The following ERICH1 variants were observed in gnomAD, a reference collection of about 807,000 sequenced individuals.
ERICH1 encodes the protein glutamate rich 1.
A neutral mutation model predicts 39.6 loss-of-function variants in ERICH1; 56 were observed. That is an observed-to-expected ratio of 1.41 (90% CI 1.14 to 1.77). The LOEUF (loss-of-function observed/expected upper bound fraction) is 1.77, where lower values mean the gene tolerates loss of function less well. ERICH1 is among the 40% of genes most tolerant of loss of function. ERICH1 has a pLI of 0.00. For synonymous variants in ERICH1, 313 were observed against 223.6 expected (o/e 1.40, Z -3.57); for missense variants, 826 against 575.4 (o/e 1.44, Z -4.45).
chr8:660,668 C>A (rs1291082651), downstream of ERICH1, among the ~76,000 whole-genome samples: 1 of 152,176 alleles, frequency 6.6e-6, no homozygotes. Flanking sequence ...ATTTTTTTTA[C>A]AATAAAAATT....
chr8:623,567 A>C (rs913271902), intron 3 of ERICH1, among the ~76,000 whole-genome samples: 1 of 152,246 alleles, frequency 6.6e-6, no homozygotes, highest in African/African-American at 2.4e-5. Context: ...ATGTTTTCAT[A>C]TATGTGTAGA....
chr8:627,245 G>C, intron 3 of ERICH1: 1 of 456,204 alleles, frequency 2.2e-6, no homozygotes, highest in South Asian at 1.5e-5. Context: ...CCACCTGGAA[G>C]TTGGAGATAA....
At chr8:641,888 T>G (rs1263192619) in intron 3 of ERICH1, among the ~76,000 whole-genome samples, 1 of 152,228 alleles carries the variant, frequency 6.6e-6, no homozygotes, top group Non-Finnish European at 1.5e-5. Context: ...CAGTCCTTTC[T>G]TCTGACCCCA....
intron 1 of ERICH1, among the ~76,000 whole-genome samples, chr8:728,381 G>C (rs55722884): frequency 0.17 from 25,681 of 152,110 alleles, 2,648 homozygotes; most frequent in Non-Finnish European, 0.23. Flanking sequence ...CCTGGTCAAC[G>C]CCAGATGCAG....
At chr8:641,134 G>A (rs1184315049) in intron 3 of ERICH1, 1 of 152,182 alleles carries the variant, frequency 6.6e-6, no homozygotes, top group Admixed American at 6.5e-5. Context: ...TGGAGGCAGA[G>A]GACTTGGCGT....
Position 617,027 on chromosome 8 carries a change from G to A in ERICH1, c.977-1743C>T, listed in dbSNP as rs553519129. On this transcript the variant is annotated intron_variant, in intron 3 of 3. Coordinates refer to the ERICH1 transcript ENST00000522706. The stretch of plus-strand genomic sequence containing the variant: ...GCAAATATCCAGAAGGAAGAAAAAC[G>A]ATTCAGGACCAACGAAATAATTCCG... Among the ~76,000 whole-genome samples, 16 of 151,384 alleles carry A rather than the reference G, an allele frequency of 1.1e-4. 3 individuals carry two copies. Among genetic ancestry groups the A allele is most frequent in the Non-Finnish European group, 1.8e-4 (12 of 67,902 alleles).
chr8:631,372 G>A (rs1364701429), intron 3 of ERICH1, among the ~76,000 whole-genome samples: 1 of 152,230 alleles, frequency 6.6e-6, no homozygotes, highest in Non-Finnish European at 1.5e-5. Context: ...GGGAAGACAG[G>A]AGGCTACTCA....
chr8:650,518 CA>C (rs1347544616), intron 3 of ERICH1, among the ~76,000 whole-genome samples: 4 of 152,322 alleles, frequency 2.6e-5, no homozygotes, highest in Non-Finnish European at 5.9e-5. Context: ...GACCTCCCAG[CA>C]GCAGCCGCCC....
chr8:706,031 T>C (rs75870656), intron 2 of ERICH1, among the ~76,000 whole-genome samples: 5,083 of 152,308 alleles, frequency 0.033, 180 homozygotes, highest in Admixed American at 0.12. Context: ...ACACTCACCA[T>C]GGTGTTACAG....
chr8:715,051 C>T (rs1172269332), intron 2 of ERICH1, among the ~76,000 whole-genome samples: 4 of 152,130 alleles, frequency 2.6e-5, no homozygotes, highest in African/African-American at 7.2e-5. Flanking sequence ...CCGTGTCTCT[C>T]GGTGGGATGT....
rs935736377 is a variant in ERICH1 at position 651,433 on chromosome 8, G to A, written c.976+17165C>T. Among the ~76,000 whole-genome samples the A allele has an allele frequency of 1.1e-4, 17 of 152,326 alleles. No individual in the cohort carries two copies. The East Asian group carries it at 1.9e-3, about 17-fold the overall frequency. On this transcript the variant is annotated intron_variant, in intron 3 of 3. Coordinates refer to the ERICH1 transcript ENST00000522706. The stretch of plus-strand genomic sequence containing the variant: ...CAGCTCCGGGGCACAGAAAGTTTCC[G>A]GTAAGCCTGGGGCTTCAGGGCCTTC...
chr8:657,386 G>A (rs892301013), intron 3 of ERICH1, among the ~76,000 whole-genome samples: 1 of 151,968 alleles, frequency 6.6e-6, no homozygotes, highest in Non-Finnish European at 1.5e-5. Flanking sequence ...CGGAAGGGAG[G>A]TTATCTCGGG....
chr8:671,187 G>A (rs2131838780), intron 4 of ERICH1, among the ~76,000 whole-genome samples: 1 of 143,698 alleles, frequency 7.0e-6, no homozygotes, highest in African/African-American at 2.6e-5. Context: ...TCCGACCTCT[G>A]AACCTGCCGG....
downstream of ERICH1, among the ~76,000 whole-genome samples, chr8:661,546 C>T (rs924513305): frequency 3.9e-5 from 6 of 152,250 alleles, no homozygotes; most frequent in African/African-American, 7.2e-5. Context: ...TCTTAATTGA[C>T]GTGGTTTACA....
At chr8:662,885 AG>A (rs944820747), downstream of ERICH1, among the ~76,000 whole-genome samples, 49 of 152,060 alleles carry the variant, frequency 3.2e-4, no homozygotes, top group Non-Finnish European at 6.6e-4. Context: ...AGGGGCGGGC[AG>A]GGCGCCCTGC....
At chr8:693,099 C>T (rs1486406297) in intron 2 of ERICH1, among the ~76,000 whole-genome samples, 1 of 151,848 alleles carries the variant, frequency 6.6e-6, no homozygotes, top group Non-Finnish European at 1.5e-5. Flanking sequence ...CACATGCAGA[C>T]ACACAAACAT....
At chr8:723,541 C>T (rs1049403386) in intron 1 of ERICH1, among the ~76,000 whole-genome samples, 9 of 152,216 alleles carry the variant, frequency 5.9e-5, no homozygotes, top group African/African-American at 2.2e-4. Context: ...TCCACTAAAA[C>T]CACAAAACAC....
In ERICH1 at chr8:646,863, T is replaced by C. The variant is rs1293446769; in HGVS notation, c.976+21735A>G. ...TGAGCGTCCAGTGAACCAGGTGCCC[T>C]AGGGGTGCAGAAGTGTGCTGCCCAC... is the stretch of plus-strand genomic sequence containing the variant. On this transcript the variant is annotated intron_variant, in intron 3 of 3. Coordinates refer to the ERICH1 transcript ENST00000522706. 2.9e-5 allele frequency among the ~76,000 whole-genome samples: 2 copies of C among 69,342 alleles called. 1 individual carries two copies. The highest frequency in any genetic ancestry group is 7.3e-5 in the African/African-American group (2 of 27,554). The allele number at this position is 69,342 out of a possible 152,430, so 45.5% of individuals were successfully genotyped here.
intron 5 of ERICH1, among the ~76,000 whole-genome samples, chr8:665,113 T>C (rs1185476993): frequency 6.6e-6 from 1 of 152,194 alleles, no homozygotes; most frequent in East Asian, 1.9e-4. Flanking sequence ...GACCATGTGG[T>C]GCCTACGTCA....
Sources: gnomAD v4.1 joint callset for allele counts (sites outside exome capture counted in the v4.1 genomes callset) on GRCh38, gnomAD v4.1.1 for gene constraint, MANE v1.5 for transcripts, NCBI Gene and HGNC (gene_info 2026-07-23, HGNC 2026-07-21) for gene names.